Variants in NLN observed in about 807,000 individuals in gnomAD.
NLN encodes the protein neurolysin, mitochondrial.
A neutral mutation model predicts 79.9 loss-of-function variants in NLN; 64 were observed. That is an observed-to-expected ratio of 0.80 (90% CI 0.65 to 0.99). NLN has a LOEUF of 0.99. Ranked by LOEUF, NLN falls within the 50% of genes least tolerant of loss-of-function variation. NLN has a pLI of 0.00. For synonymous variants in NLN, 267 were observed against 296.6 expected (o/e 0.90, Z 1.02); for missense variants, 835 against 858.7 (o/e 0.97, Z 0.34).
chr5:65,729,806 C>A (rs564432462), intron 1 of NLN, among the ~76,000 whole-genome samples: 1 of 152,182 alleles, frequency 6.6e-6, no homozygotes, highest in Non-Finnish European at 1.5e-5. Flanking sequence ...TGGGAAGAAT[C>A]CCCTGAATTA....
At chr5:65,750,998 G>A (rs1759090061) in intron 1 of NLN, among the ~76,000 whole-genome samples, 1 of 152,206 alleles carries the variant, frequency 6.6e-6, no homozygotes, top group Admixed American at 6.5e-5. Flanking sequence ...TAGAAATCAG[G>A]ATTAGAGTGT....
At chr5:65,735,713 G>A (rs1379841497) in intron 1 of NLN, among the ~76,000 whole-genome samples, 2 of 152,024 alleles carry the variant, frequency 1.3e-5, no homozygotes, top group Non-Finnish European at 2.9e-5. Flanking sequence ...TTCTTTACTT[G>A]TCATTAAACA....
At chr5:65,759,174 A>G (rs1759286151) in intron 2 of NLN, among the ~76,000 whole-genome samples, 3 of 152,204 alleles carry the variant, frequency 2.0e-5, no homozygotes, top group Admixed American at 6.5e-5. Context: ...TTCTTGTTAT[A>G]TCATAGGCTT....
At chr5:65,769,405 G>T (rs1407214290) in intron 3 of NLN, among the ~76,000 whole-genome samples, 1 of 152,148 alleles carries the variant, frequency 6.6e-6, no homozygotes, top group Non-Finnish European at 1.5e-5. Flanking sequence ...AGTATAACTG[G>T]ATTGTTTGTA....
intron 12 of NLN, among the ~76,000 whole-genome samples, chr5:65,820,124 C>T (rs1357900339): frequency 6.6e-6 from 1 of 152,198 alleles, no homozygotes; most frequent in African/African-American, 2.4e-5. Context: ...TTCTTTACTA[C>T]CTAAAATTAC....
At chr5:65,776,450 T>A (rs971421991) in intron 3 of NLN, among the ~76,000 whole-genome samples, 1 of 152,220 alleles carries the variant, frequency 6.6e-6, no homozygotes, top group Non-Finnish European at 1.5e-5. Context: ...ATTTAATTAG[T>A]TGGGAAATTA....
intron 1 of NLN, among the ~76,000 whole-genome samples, chr5:65,754,358 C>T (rs892617916): frequency 6.6e-6 from 1 of 152,122 alleles, no homozygotes; most frequent in African/African-American, 2.4e-5. Context: ...AATGAGACCC[C>T]CTTCTCTCAC....
intron 2 of NLN, among the ~76,000 whole-genome samples, chr5:65,759,268 A>C (rs748214962): frequency 5.1e-4 from 78 of 152,284 alleles, no homozygotes; most frequent in Non-Finnish European, 9.8e-4. Flanking sequence ...ATAACCATTA[A>C]AATCATGGAT....
intron 1 of NLN, among the ~76,000 whole-genome samples, chr5:65,752,349 G>A (rs1759119900): frequency 6.6e-6 from 1 of 152,174 alleles, no homozygotes; most frequent in Non-Finnish European, 1.5e-5. Context: ...GAATTTTGTA[G>A]TAGGAAAAAG....
Position 65,824,750 on chromosome 5 carries a change from T to C in NLN, c.*1835T>C, listed in dbSNP as rs1158669012. On this transcript the variant is annotated 3_prime_UTR_variant, in exon 13 of 13. Coordinates refer to ENST00000380985, the MANE Select transcript of NLN (RefSeq NM_020726.5). ...GAAATGCATGAGAGCAAAAGCACCA[T>C]GGTGTTCTTTCTATTTAGGGCCTAC... 6.6e-6 allele frequency: 1 copy of C among 152,218 alleles called. No individual in the cohort carries two copies. The allele number at this position is 152,218 out of a possible 1,614,324, so 9.4% of individuals were successfully genotyped here. A position where few individuals can be genotyped will look rare whatever the true frequency, so the allele number is the denominator to read the frequency against.
At chr5:65,821,426 C>G (rs960435161) in intron 12 of NLN, among the ~76,000 whole-genome samples, 2 of 152,070 alleles carry the variant, frequency 1.3e-5, no homozygotes, top group Non-Finnish European at 2.9e-5. Flanking sequence ...ATAAAAAACA[C>G]GTTGGATTTT....
intron 3 of NLN, among the ~76,000 whole-genome samples, chr5:65,766,640 C>T (rs564956620): frequency 6.6e-6 from 1 of 152,218 alleles, no homozygotes; most frequent in African/African-American, 2.4e-5. Flanking sequence ...CATGCCTCCC[C>T]AACAGTCCCC....
intron 1 of NLN, among the ~76,000 whole-genome samples, chr5:65,747,684 C>G (rs1333321889): frequency 6.6e-6 from 1 of 152,188 alleles, no homozygotes; most frequent in Non-Finnish European, 1.5e-5. Flanking sequence ...GGCCACACCT[C>G]AGTGCAAGAT....
At chr5:65,749,376 A>C (rs987445220) in intron 1 of NLN, among the ~76,000 whole-genome samples, 2 of 152,194 alleles carry the variant, frequency 1.3e-5, no homozygotes, top group Non-Finnish European at 2.9e-5. Flanking sequence ...CCCTTTGAGG[A>C]TCAAGGAGAG....
In NLN at chr5:65,777,385, C is replaced by T. The variant is rs183364170; in HGVS notation, c.451-42C>T. ...CCTCATAGTTTATAATTTACCTGTGCACTGTTTCAACCGAAATGGTTTTCA... is the reference window on the plus strand; with the variant it reads ...CCTCATAGTTTATAATTTACCTGTGTACTGTTTCAACCGAAATGGTTTTCA... On this transcript the variant is annotated intron_variant, in intron 3 of 12. Coordinates refer to ENST00000380985, the MANE Select transcript of NLN (RefSeq NM_020726.5). 5 of 1,237,658 alleles carry T rather than the reference C, an allele frequency of 4.0e-6. No individual in the cohort carries two copies. In the Admixed American group the frequency reaches 6.8e-5, roughly 17 times the overall value. 76.7% of individuals were successfully genotyped at this position (1,237,658 alleles called of 1,614,324 possible).
intron 7 of NLN, among the ~76,000 whole-genome samples, chr5:65,787,128 A>G (rs928533823): frequency 6.6e-6 from 1 of 152,016 alleles, no homozygotes; most frequent in African/African-American, 2.4e-5. Flanking sequence ...GCATATTCCT[A>G]TGCAAAGTGT....
At chr5:65,764,781 A>T (rs1278093762) in intron 3 of NLN, among the ~76,000 whole-genome samples, 1 of 152,174 alleles carries the variant, frequency 6.6e-6, no homozygotes, top group Non-Finnish European at 1.5e-5. Context: ...AGGGGCTTCT[A>T]CAACATTTGC....
In NLN at chr5:65,809,498, C is replaced by G; in HGVS notation, c.1528-17C>G. ...TCATTGAGTTCTTTAAAAAAATTCT[C>G]TGTGTTTGCTTTCTAGACTGATTTT... On this transcript the variant is annotated splice_polypyrimidine_tract_variant and intron_variant, in intron 9 of 12. Coordinates refer to ENST00000380985, the MANE Select transcript of NLN (RefSeq NM_020726.5). The G allele has an allele frequency of 6.4e-7, 1 of 1,565,178 alleles. No individual in the cohort carries two copies. Among genetic ancestry groups the G allele is most frequent in the South Asian group, 1.2e-5 (1 of 83,234 alleles).
intron 10 of NLN, 77 bp downstream of exon 10, chr5:65,809,778 A>G: frequency 8.4e-7 from 1 of 1,195,440 alleles, no homozygotes; most frequent in Admixed American, 2.5e-5. Context: ...CTTCTGTAGA[A>G]CTTATTTTCA....
Sources: gnomAD v4.1 joint callset for allele counts (sites outside exome capture counted in the v4.1 genomes callset) on GRCh38, gnomAD v4.1.1 for gene constraint, MANE v1.5 for transcripts, NCBI Gene and HGNC (gene_info 2026-07-23, HGNC 2026-07-21) for gene names.